SLC27A4: variants seen among roughly 807,000 people sequenced by gnomAD.
SLC27A4 encodes the protein solute carrier family 27 member 4, also known as long-chain fatty acid transport protein 4.
SLC27A4 carries 33 observed loss-of-function variants against 64.4 expected under a neutral mutation model. That is an observed-to-expected ratio of 0.51 (90% confidence interval 0.39 to 0.68). The LOEUF (loss-of-function observed/expected upper bound fraction) is 0.68, where lower values mean the gene tolerates loss of function less well. Ranked by LOEUF, SLC27A4 falls within the 30% of genes least tolerant of loss-of-function variation. The pLI is 0.00. For missense variants in SLC27A4, 824 were observed against 883.5 expected (o/e 0.93, Z 0.85); for synonymous variants, 377 against 370.0 (o/e 1.02, Z -0.22).
At chr9:128,351,361 A>G (rs903685852) in intron 6 of SLC27A4, among the ~76,000 whole-genome samples, 3 of 151,480 alleles carry the variant, frequency 2.0e-5, no homozygotes, top group Admixed American at 6.6e-5. Context: ...TGGGAGGCAA[A>G]GGTTGCAGTG....
Position 128,350,538 on chromosome 9 carries a change from C to T in SLC27A4, c.840C>T (p.Asp280=). 6.2e-7 allele frequency: 1 copy of T among 1,613,884 alleles called. No homozygotes were observed. The highest frequency in any genetic ancestry group is 8.5e-7 in the Non-Finnish European group (1 of 1,179,930). The change falls in exon 6 of 13, where the codon GAC becomes GAT. Residue 280 remains aspartate (D), a synonymous_variant. Transcript: ENST00000300456. ...VYYGFRMRPN[D]IVYDCLPLYH... ...ATGGATTCCGCATGCGGCCCAACGA[C>T]ATCGTCTATGACTGCCTCCCCCTCT...
intron 12 of SLC27A4, among the ~76,000 whole-genome samples, chr9:128,356,511 T>A (rs1160849444): frequency 6.6e-6 from 1 of 152,160 alleles, no homozygotes; most frequent in East Asian, 1.9e-4. Flanking sequence ...CAGAAGCATC[T>A]CAGCAAGGCC....
Position 128,343,149 on chromosome 9 carries a change from C to T in SLC27A4, c.17C>T (p.Ser6Phe), listed in dbSNP as rs779127083. ...CAGGCCACAATGCTGCTTGGAGCCT[C>T]TCTGGTGGGGGTGCTGCTGTTCTCC... Reference protein sequence around the residue: MLLGASLVGVLLFSKL... With the variant: MLLGAFLVGVLLFSKL... The change falls in exon 2 of 13, where the codon TCT becomes TTT. Residue 6 changes from serine (S) to phenylalanine (F), a missense_variant. Ser to Phe is a radical substitution (Grantham distance 155). Transcript: ENST00000300456. The T allele has an allele frequency of 1.2e-6, 2 of 1,613,890 alleles. No individual in the cohort carries two copies. The highest frequency in any genetic ancestry group is 1.7e-5 in the Admixed American group (1 of 60,018).
At chr9:128,349,420 A>G (rs1466610739) in intron 4 of SLC27A4, among the ~76,000 whole-genome samples, 1 of 151,956 alleles carries the variant, frequency 6.6e-6, no homozygotes, top group Non-Finnish European at 1.5e-5. Context: ...AACCTACTCT[A>G]TGGGGTATCT....
At chr9:128,347,878 A>AG (rs1491467881) in intron 3 of SLC27A4, among the ~76,000 whole-genome samples, 1 of 150,042 alleles carries the variant, frequency 6.7e-6, no homozygotes, top group Non-Finnish European at 1.5e-5. Flanking sequence ...AAAAAGCAAA[A>AG]GAAAAAAAAA....
rs756227455 is a variant in SLC27A4, at chr9:128,348,585, C to T, written c.597C>T (p.Ser199=). Residue 199 remains serine (S), a synonymous_variant, in exon 4 of 13, where the codon AGC becomes AGT. Coordinates refer to ENST00000300456, the MANE Select transcript of SLC27A4 (RefSeq NM_005094.4). ...ATGCCAGCCTGGACCCCTCGCTCAG[C>T]CTCTTCTGCTCTGGCTCCTGGGAGC... ...EVHASLDPSL[S]LFCSGSWEPG... 17 of 1,613,464 alleles carry T rather than the reference C, an allele frequency of 1.1e-5. No individual in the cohort carries two copies. The Admixed American group carries it at 2.2e-4, about 21-fold the overall frequency.
rs182698753 is a variant in SLC27A4, at chr9:128,348,121, G to A, written c.557-424G>A. The stretch of plus-strand genomic sequence containing the variant: ...ATGGAGGGCCACTGGCCTCTGACCC[G>A]CACTCCTCCCTTCTATCTGGTGCAC... On this transcript the variant is annotated intron_variant, in intron 3 of 12. Coordinates refer to ENST00000300456, the MANE Select transcript of SLC27A4 (RefSeq NM_005094.4). Among the ~76,000 whole-genome samples the A allele has an allele frequency of 3.3e-5, 5 of 152,200 alleles. No homozygotes were observed. In the East Asian group the frequency reaches 9.7e-4, roughly 29 times the overall value.
intron 1 of SLC27A4, 112 bp from the exon 2 acceptor site, chr9:128,343,015 G>T: frequency 7.1e-7 from 1 of 1,398,738 alleles, no homozygotes; most frequent in Non-Finnish European, 9.9e-7. Context: ...GTATGGCTAA[G>T]CCTTACCACA....
Position 128,353,549 on chromosome 9 carries a change from A to G in SLC27A4, c.1324+8A>G. The G allele has an allele frequency of 6.2e-7, 1 of 1,613,630 alleles. No homozygotes were observed. The highest frequency in any genetic ancestry group is 8.5e-7 in the Non-Finnish European group (1 of 1,179,738). On this transcript the variant is annotated splice_region_variant and intron_variant, in intron 9 of 12. Transcript: ENST00000300456. The surrounding 1 kb of genome is among the most constrained non-coding windows in gnomAD (Gnocchi z 4.9). Reference sequence around the variant, plus strand: ...GCATTCCCTGCCAGCCAGGTCTGCCACTTCGGGGTCAGAGAGGGAGGGGTT... The same window carrying G: ...GCATTCCCTGCCAGCCAGGTCTGCCGCTTCGGGGTCAGAGAGGGAGGGGTT...
At chr9:128,355,607 AG>A in intron 11 of SLC27A4, 42 bp from the exon 12 acceptor site, 1 of 1,607,368 alleles carries the variant, frequency 6.2e-7, no homozygotes. Context: ...GGCACCACCC[AG>A]GGGCACCACC....
chr9:128,358,536 T>C (rs971333839), intron 12 of SLC27A4, among the ~76,000 whole-genome samples: 2 of 152,244 alleles, frequency 1.3e-5, no homozygotes, highest in South Asian at 4.1e-4. Context: ...CTTTGCCTCC[T>C]GGGTTCAAGT....
At position 128,355,108 on chromosome 9, in the gene SLC27A4, C is replaced by T. The variant is rs773449802; in HGVS notation, c.1380C>T (p.Phe460=). The T allele has an allele frequency of 7.4e-6, 12 of 1,613,564 alleles. No individual in the cohort carries two copies. The highest frequency in any genetic ancestry group is 5.0e-5 in the Admixed American group (3 of 59,980). ...TCCAGAAAGACCCCCTGCGCCGCTT[C>T]GATGGCTACCTCAACCAGGGCGCCA... ...RIIQKDPLRR[F]DGYLNQGANN... Residue 460 remains phenylalanine (F), a synonymous_variant, in exon 10 of 13, where the codon TTC becomes TTT. Coordinates refer to ENST00000300456, the MANE Select transcript of SLC27A4 (RefSeq NM_005094.4).
At chr9:128,351,062 C>T (rs1400382525) in intron 6 of SLC27A4, among the ~76,000 whole-genome samples, 1 of 151,088 alleles carries the variant, frequency 6.6e-6, no homozygotes, top group Non-Finnish European at 1.5e-5. Context: ...CACTGCACTC[C>T]AGCCTGGGCA....
In SLC27A4 at chr9:128,355,765, C is replaced by T; in HGVS notation, c.1743C>T (p.Phe581=). The T allele has an allele frequency of 6.2e-7, 1 of 1,613,722 alleles. No individual in the cohort carries two copies. Among genetic ancestry groups the T allele is most frequent in the South Asian group, 1.1e-5 (1 of 91,090 alleles). The change falls in exon 12 of 13, where the codon TTC becomes TTT. Residue 581 remains phenylalanine, a synonymous_variant. Transcript: ENST00000300456. The part of the protein sequence containing the change: ...KELPLYARPI[F]LRLLPELHKT... ...TGCCCCTGTATGCGCGCCCCATCTT[C>T]CTGCGCCTCCTGCCTGAGCTGCACA...
intron 3 of SLC27A4, among the ~76,000 whole-genome samples, chr9:128,346,637 G>C (rs1846074899): frequency 6.6e-6 from 1 of 151,966 alleles, no homozygotes; most frequent in Admixed American, 6.6e-5. Context: ...AAGAGGTTGA[G>C]GCTGCAGTGA....
At chr9:128,343,723 G>C (rs751038510) in intron 2 of SLC27A4, among the ~76,000 whole-genome samples, 2 of 152,178 alleles carry the variant, frequency 1.3e-5, no homozygotes, top group Non-Finnish European at 2.9e-5. Context: ...AGATGTCTGG[G>C]ATAACCTGCT....
intron 1 of SLC27A4, chr9:128,342,285 G>T: frequency 6.2e-7 from 1 of 1,611,572 alleles, no homozygotes; most frequent in Non-Finnish European, 8.5e-7. Flanking sequence ...AGTCGAAACT[G>T]AAGAAGACAG....
chr9:128,350,535 C>G lies in SLC27A4; in HGVS notation c.837C>G (p.Asn279Lys), dbSNP rs376203527. Residue 279 changes from asparagine to lysine, a missense_variant, in exon 6 of 13, where the codon AAC becomes AAG. Asn to Lys is a moderately conservative substitution (Grantham distance 94, BLOSUM62 0). Transcript: ENST00000300456. ...LVYYGFRMRP[N>K]DIVYDCLPLY... ...ACTATGGATTCCGCATGCGGCCCAA[C>G]GACATCGTCTATGACTGCCTCCCCC... 6.2e-7 allele frequency: 1 copy of G among 1,613,888 alleles called. No homozygotes were observed. Among genetic ancestry groups the G allele is most frequent in the Non-Finnish European group, 8.5e-7 (1 of 1,179,890 alleles).
rs530266603 is a variant in SLC27A4, at chr9:128,356,526, G to C, written c.1774+730G>C. ...CAGAAGCATCTCAGCAAGGCCGGGCGCAGTGGCTCATGCCTGTAATCCCGG... is the reference window on the plus strand; with the variant it reads ...CAGAAGCATCTCAGCAAGGCCGGGCCCAGTGGCTCATGCCTGTAATCCCGG... On this transcript the variant is annotated intron_variant, in intron 12 of 12. Coordinates refer to ENST00000300456, the MANE Select transcript of SLC27A4 (RefSeq NM_005094.4). 4.6e-5 allele frequency among the ~76,000 whole-genome samples: 7 copies of C among 152,358 alleles called. No homozygotes were observed. The South Asian group carries it at 1.4e-3, about 32-fold the overall frequency.
Sources: allele counts gnomAD v4.1 joint callset (sites outside exome capture counted in the v4.1 genomes callset), GRCh38; gene constraint gnomAD v4.1.1; non-coding constraint Gnocchi (gnomAD v3.1); transcripts MANE v1.5; gene names NCBI Gene and HGNC (gene_info 2026-07-23, HGNC 2026-07-21).